The following ZNF131 variants were observed in gnomAD, a reference collection of about 807,000 sequenced individuals.
ZNF131 encodes zinc finger and BTB domain containing 35.
In ZNF131, 7 loss-of-function variants were observed where a neutral mutation model predicts 60.0. The ratio of observed to expected loss-of-function variants is 0.12; its 90% CI spans 0.07 to 0.22. The LOEUF (loss-of-function observed/expected upper bound fraction) is 0.22. Ranked by LOEUF, ZNF131 falls within the 10% of genes least tolerant of loss-of-function variation. The pLI, the probability that ZNF131 is intolerant of heterozygous loss-of-function variation, is 1.00. For synonymous variants in ZNF131, 257 were observed against 253.2 expected, an observed-to-expected ratio of 1.01 and a Z score of -0.14; for missense variants, 493 against 740.9, an observed-to-expected ratio of 0.67 and a Z score of 3.88.
At chr5:43,135,068 G>A (rs181806867) in intron 3 of ZNF131, among the ~76,000 whole-genome samples, 2 of 147,092 alleles carry the variant, frequency 1.4e-5, no homozygotes, top group East Asian at 2.0e-4. Flanking sequence ...GCGCAATCTC[G>A]GCTCCCCCCA....
rs779788657 is a variant in ZNF131 at position 43,123,316 on chromosome 5, T to G, written c.226+6T>G. 6.3e-7 allele frequency: 1 copy of G among 1,578,682 alleles called. No individual in the cohort carries two copies. Among genetic ancestry groups the G allele is most frequent in the Non-Finnish European group, 8.6e-7 (1 of 1,167,442 alleles). ...ACCATTGGTGGAGATAGAAGGTAAA[T>G]GATTCTTGTTGTTTTTTTATTTAAT... On this transcript the variant is annotated splice_donor_region_variant and intron_variant, in intron 3 of 6. Transcript: ENST00000682664.
At chr5:43,137,282 A>T (rs1746240407) in intron 3 of ZNF131, among the ~76,000 whole-genome samples, 1 of 152,210 alleles carries the variant, frequency 6.6e-6, no homozygotes, top group South Asian at 2.1e-4. Flanking sequence ...AAGGAATGGG[A>T]GAAAGTATTT....
At position 43,173,605 on chromosome 5, in the gene ZNF131, G is replaced by T. The variant is rs557734625; in HGVS notation, c.1185+157G>T. Reference sequence around the variant, plus strand: ...CATTATTGTCTTGGGGACTAAATTAGTTTTTTTTAACCCAACCCTAGATGA... The same window carrying T: ...CATTATTGTCTTGGGGACTAAATTATTTTTTTTTAACCCAACCCTAGATGA... On this transcript the variant is annotated intron_variant, in intron 6 of 6. Coordinates refer to ENST00000682664, the MANE Select transcript of ZNF131 (RefSeq NM_001330707.2). Among the ~76,000 whole-genome samples, 21 of 152,032 alleles carry T rather than the reference G, an allele frequency of 1.4e-4. No individual in the cohort carries two copies. The South Asian group carries it at 4.4e-3, about 32-fold the overall frequency.
chr5:43,170,984 G>A (rs1403800635), intron 5 of ZNF131, among the ~76,000 whole-genome samples: 3 of 143,414 alleles, frequency 2.1e-5, no homozygotes, highest in East Asian at 4.2e-4. Flanking sequence ...TCGCTCTGTC[G>A]CCCAGGCTGG....
chr5:43,130,802 A>G (rs879382008), intron 3 of ZNF131, among the ~76,000 whole-genome samples: 3 of 151,564 alleles, frequency 2.0e-5, no homozygotes, highest in Non-Finnish European at 4.4e-5. Context: ...CCGATCTCAG[A>G]TGATCCACCT....
chr5:43,139,878 A>C (rs2112258847), intron 4 of ZNF131, among the ~76,000 whole-genome samples: 1 of 152,300 alleles, frequency 6.6e-6, no homozygotes, highest in Non-Finnish European at 1.5e-5. Context: ...ATTGCTGAGG[A>C]GCCATTCCTA....
At position 43,126,484 on chromosome 5, in the gene ZNF131, G is replaced by C. The variant is rs1744565701; in HGVS notation, c.226+3174G>C. Among the ~76,000 whole-genome samples the C allele has an allele frequency of 1.3e-5, 2 of 152,178 alleles. 1 individual carries two copies. Among genetic ancestry groups the C allele is most frequent in the South Asian group, 4.1e-4 (2 of 4,830 alleles). On this transcript the variant is annotated intron_variant, in intron 3 of 6. Coordinates refer to ENST00000682664, the MANE Select transcript of ZNF131 (RefSeq NM_001330707.2). ...ACATGGGCATGTTGGTGGTAAACTT[G>C]AGATTGTATACACAAATTTAGAGGA...
At chr5:43,152,349 G>A (rs879318673) in intron 4 of ZNF131, among the ~76,000 whole-genome samples, 9 of 152,144 alleles carry the variant, frequency 5.9e-5, no homozygotes, top group Non-Finnish European at 1.2e-4. Context: ...GCTGACTTGA[G>A]TAGTAACTGT....
At position 43,139,307 on chromosome 5, in the gene ZNF131, C is replaced by A; in HGVS notation, c.369C>A (p.Val123=). Residue 123 remains valine, a splice_region_variant and synonymous_variant, in exon 4 of 7, where the codon GTC becomes GTA. Coordinates refer to ENST00000682664, the MANE Select transcript of ZNF131 (RefSeq NM_001330707.2). ...TAGAAGCTATCAAAGCCCTTGAAGT[C>A]AGGTACTTAATTTCTTTAATGGGGT... The part of the protein sequence containing the change: ...QMLEAIKALE[V]RNKENSAPLE... The A allele has an allele frequency of 6.3e-7, 1 of 1,599,818 alleles. No individual in the cohort carries two copies. The highest frequency in any genetic ancestry group is 1.1e-5 in the South Asian group (1 of 87,968).
In ZNF131 at chr5:43,122,074, G is replaced by GGAA. The variant is rs1407791142; in HGVS notation, c.22_24dup (p.Glu8dup). 1 of 1,613,942 alleles carries GGAA rather than the reference G, an allele frequency of 6.2e-7. No homozygotes were observed. Among genetic ancestry groups the GGAA allele is most frequent in the African/African-American group, 1.3e-5 (1 of 74,886 alleles). ...CGGCCATGGAGGCTGAAGAGACGAT[G>GGAA]GAATGCCTTCAGGAGTTCCCTGAAC... On this transcript the variant is annotated inframe_insertion, in exon 2 of 7. Coordinates refer to ENST00000682664, the MANE Select transcript of ZNF131 (RefSeq NM_001330707.2).
At chr5:43,122,235 C>T in intron 2 of ZNF131, 58 bp downstream of exon 2, 2 of 1,269,094 alleles carry the variant, frequency 1.6e-6, no homozygotes, top group South Asian at 1.4e-5. Flanking sequence ...TTCTGTCCTT[C>T]GGACACCCGC....
In ZNF131 at chr5:43,174,707, A is replaced by G. The variant is rs752444505; in HGVS notation, c.1446A>G (p.Pro482=). ...AAGTTGGGAAGGTGCATGTGCTACC[A>G]TTGCTTCAGGTTCAGGTGGATTCAG... ...IEQVGKVHVL[P]LLQVQVDSAQ... is the part of the protein sequence containing the mutation. Residue 482 remains proline, a synonymous_variant, in exon 7 of 7, where the codon CCA becomes CCG. Coordinates refer to ENST00000682664, the MANE Select transcript of ZNF131 (RefSeq NM_001330707.2). 3.7e-6 allele frequency: 6 copies of G among 1,614,224 alleles called. No homozygotes were observed. The highest frequency in any genetic ancestry group is 5.1e-6 in the Non-Finnish European group (6 of 1,180,046).
rs935396222 is a variant in ZNF131 at position 43,175,503 on chromosome 5, A to G, written c.*370A>G. On this transcript the variant is annotated 3_prime_UTR_variant, in exon 7 of 7. Transcript: ENST00000682664. Reference sequence around the variant, plus strand: ...TTCCATATTGTAAAATCAAACTTAAATCATTAGAATACAAGTTTATGTATT... The same window carrying G: ...TTCCATATTGTAAAATCAAACTTAAGTCATTAGAATACAAGTTTATGTATT... 1.0e-5 allele frequency: 7 copies of G among 698,444 alleles called. No homozygotes were observed. Among genetic ancestry groups the G allele is most frequent in the African/African-American group, 5.3e-5 (3 of 56,942 alleles). The allele number at this position is 698,444 out of a possible 1,614,324, so 43.3% of individuals were successfully genotyped here. A position where few individuals can be genotyped will look rare whatever the true frequency, so the allele number is the denominator to read the frequency against.
intron 3 of ZNF131, among the ~76,000 whole-genome samples, chr5:43,128,095 C>G (rs1032998391): frequency 1.3e-5 from 2 of 152,220 alleles, no homozygotes; most frequent in South Asian, 4.1e-4. Context: ...GCATTTCTGT[C>G]AGGGAGAAGA....
At chr5:43,134,412 T>G (rs541047801) in intron 3 of ZNF131, among the ~76,000 whole-genome samples, 2 of 152,164 alleles carry the variant, frequency 1.3e-5, no homozygotes, top group Non-Finnish European at 2.9e-5. Flanking sequence ...TACTCAACGG[T>G]GAAAAACTGA....
intron 5 of ZNF131, chr5:43,168,027 A>G (rs1489944069): frequency 6.8e-6 from 3 of 439,698 alleles, no homozygotes; most frequent in African/African-American, 2.0e-5. Flanking sequence ...AGGGCATCAC[A>G]TGGTGAGGGA....
intron 4 of ZNF131, among the ~76,000 whole-genome samples, chr5:43,146,769 G>C (rs1229365285): frequency 6.6e-6 from 1 of 152,076 alleles, no homozygotes; most frequent in Non-Finnish European, 1.5e-5. Flanking sequence ...AGCCGGACAT[G>C]GTGGCGTGCG....
intron 3 of ZNF131, among the ~76,000 whole-genome samples, chr5:43,128,644 G>C (rs1368177082): frequency 3.1e-4 from 37 of 121,018 alleles, no homozygotes; most frequent in Non-Finnish European, 3.8e-4. Context: ...GCGACAGAGC[G>C]AGACTCCATC....
At chr5:43,155,466 CT>C (rs988950178) in intron 4 of ZNF131, among the ~76,000 whole-genome samples, 1 of 152,182 alleles carries the variant, frequency 6.6e-6, no homozygotes, top group African/African-American at 2.4e-5. Context: ...AGGCTGCCTC[CT>C]TTTGCCAGAA....
Sources: gnomAD v4.1 joint callset for allele counts (sites outside exome capture counted in the v4.1 genomes callset) on GRCh38, gnomAD v4.1.1 for gene constraint, MANE v1.5 for transcripts, NCBI Gene and HGNC (gene_info 2026-07-23, HGNC 2026-07-21) for gene names.